The following CA10 variants were observed in gnomAD, a reference collection of about 807,000 sequenced individuals.
The protein encoded by CA10 is carbonic anhydrase 10 (inactive), also known as carbonic anhydrase-related protein 10.
Under a neutral mutation model 44.2 loss-of-function variants are expected in CA10, and 14 were observed. The observed-to-expected ratio is 0.32, with a 90% CI of 0.21 to 0.50. The LOEUF (loss-of-function observed/expected upper bound fraction) is 0.50, where lower values mean the gene tolerates loss of function less well. Ranked by LOEUF, CA10 falls within the 20% of genes least tolerant of loss-of-function variation. The pLI is 0.99. For missense variants in CA10, 350 were observed against 409.7 expected (o/e 0.85, Z 1.26); for synonymous variants, 159 against 141.6 (o/e 1.12, Z -0.87).
At chr17:51,714,793 T>C (rs898517983) in intron 4 of CA10, among the ~76,000 whole-genome samples, 1 of 152,186 alleles carries the variant, frequency 6.6e-6, no homozygotes, top group East Asian at 1.9e-4. Flanking sequence ...TGATTTCAGT[T>C]TGTGGCCTGA....
intron 3 of CA10, among the ~76,000 whole-genome samples, chr17:51,899,466 G>A (rs1403761946): frequency 1.3e-5 from 2 of 151,866 alleles, no homozygotes; most frequent in Non-Finnish European, 2.9e-5. Flanking sequence ...ATATTTTAAT[G>A]TCAATTTTGT....
chr17:51,936,158 T>C (rs1982856435), intron 2 of CA10, among the ~76,000 whole-genome samples: 1 of 152,130 alleles, frequency 6.6e-6, no homozygotes, highest in African/African-American at 2.4e-5. Context: ...GCACTGAAAG[T>C]TGATGCAACA....
chr17:52,072,191 T>C, intron 2 of CA10, 128 bp downstream of exon 2: 1 of 621,828 alleles, frequency 1.6e-6, no homozygotes, highest in Non-Finnish European at 2.8e-6. Context: ...AACTTTGTCT[T>C]GATGGAGTAT....
chr17:52,020,811 T>C (rs1406103035), intron 2 of CA10, among the ~76,000 whole-genome samples: 2 of 151,994 alleles, frequency 1.3e-5, no homozygotes, highest in African/African-American at 4.8e-5. Context: ...CCATCCTTCT[T>C]TACCCCCTCC....
intron 2 of CA10, among the ~76,000 whole-genome samples, chr17:51,996,108 T>C (rs947036323): frequency 2.0e-5 from 3 of 151,998 alleles, no homozygotes; most frequent in African/African-American, 7.2e-5. Flanking sequence ...AAATAAAGCA[T>C]TTTTGTCCTT....
chr17:51,658,854 C>T (rs192039444), intron 4 of CA10, among the ~76,000 whole-genome samples: 27 of 152,228 alleles, frequency 1.8e-4, no homozygotes, highest in African/African-American at 5.5e-4. Flanking sequence ...CCAATTCCTG[C>T]GACTATTTGA....
At chr17:51,707,669 ATATG>A (rs1359705412) in intron 4 of CA10, among the ~76,000 whole-genome samples, 6 of 39,822 alleles carry the variant, frequency 1.5e-4, no homozygotes, top group African/African-American at 2.6e-4. Context: ...AAGTGGATGA[ATATG>A]TGTGTGTGTG....
chr17:51,911,603 A>G (rs905121611), intron 3 of CA10, among the ~76,000 whole-genome samples: 7 of 152,282 alleles, frequency 4.6e-5, no homozygotes, highest in Admixed American at 1.3e-4. Flanking sequence ...GAGAAGTGCA[A>G]AAGAATGAGA....
intron 2 of CA10, among the ~76,000 whole-genome samples, chr17:52,053,693 G>A (rs1377774856): frequency 6.6e-6 from 1 of 152,044 alleles, no homozygotes; most frequent in Non-Finnish European, 1.5e-5. Flanking sequence ...AAGGATACAT[G>A]TTGCGGGAAG....
chr17:51,934,257 A>G (rs997573380), intron 2 of CA10, among the ~76,000 whole-genome samples: 1 of 152,124 alleles, frequency 6.6e-6, no homozygotes, highest in African/African-American at 2.4e-5. Context: ...CCATAGAGGC[A>G]GGGAGTAAAG....
chr17:51,933,869 C>T (rs552712572), intron 2 of CA10, among the ~76,000 whole-genome samples: 1 of 152,282 alleles, frequency 6.6e-6, no homozygotes, highest in South Asian at 2.1e-4. Flanking sequence ...GCAGCTGCTG[C>T]TGTACTTCAC....
At chr17:51,721,702 A>C (rs1916355626) in intron 4 of CA10, among the ~76,000 whole-genome samples, 2 of 152,076 alleles carry the variant, frequency 1.3e-5, no homozygotes, top group Non-Finnish European at 2.9e-5. Flanking sequence ...GAGGGGTCAT[A>C]ATTATTTTTA....
chr17:51,991,038 C>T (rs1985021293), intron 2 of CA10, among the ~76,000 whole-genome samples: 1 of 152,130 alleles, frequency 6.6e-6, no homozygotes, highest in Non-Finnish European at 1.5e-5. Context: ...GTTACTCAGG[C>T]TCTCTGAACG....
intron 3 of CA10, among the ~76,000 whole-genome samples, chr17:51,925,225 G>A (rs536712795): frequency 6.6e-6 from 1 of 152,178 alleles, no homozygotes; most frequent in South Asian, 2.1e-4. Context: ...TGTGCCATTA[G>A]GCTAAGGTCA....
At chr17:51,642,051 A>T (rs912877252) in intron 6 of CA10, among the ~76,000 whole-genome samples, 1 of 152,240 alleles carries the variant, frequency 6.6e-6, no homozygotes, top group African/African-American at 2.4e-5. Context: ...ACTGAAATGA[A>T]AAAAGGCAAT....
chr17:51,808,415 C>A (rs929860297), intron 3 of CA10, among the ~76,000 whole-genome samples: 1 of 152,124 alleles, frequency 6.6e-6, no homozygotes, highest in Admixed American at 6.5e-5. Context: ...TTTAGCAGTA[C>A]GTATAGCTTT....
chr17:51,925,630 G>A (rs1347025522), intron 3 of CA10, among the ~76,000 whole-genome samples: 4 of 152,088 alleles, frequency 2.6e-5, no homozygotes, highest in Non-Finnish European at 5.9e-5. Flanking sequence ...ACAGTTCATT[G>A]TATACCAATT....
chr17:51,704,080 T>C (rs1346200834), intron 4 of CA10, among the ~76,000 whole-genome samples: 1 of 152,204 alleles, frequency 6.6e-6, no homozygotes, highest in African/African-American at 2.4e-5. Context: ...TTGTGGATTA[T>C]AAAACAGTAT....
chr17:51,691,600 T>C (rs9916315), intron 4 of CA10, among the ~76,000 whole-genome samples: 12,482 of 152,212 alleles, frequency 0.082, 1,725 homozygotes, highest in African/African-American at 0.28. Flanking sequence ...CTTTTGTTGC[T>C]TGTGCTTTTG....
Sources: gnomAD v4.1 joint callset for allele counts (sites outside exome capture counted in the v4.1 genomes callset) on GRCh38, gnomAD v4.1.1 for gene constraint, MANE v1.5 for transcripts, NCBI Gene and HGNC (gene_info 2026-07-23, HGNC 2026-07-21) for gene names.